Variants in CPAMD8 observed in about 807,000 individuals in gnomAD.
CPAMD8 encodes the protein C3 and PZP-like alpha-2-macroglobulin domain-containing protein 8.
Under a neutral mutation model 224.7 loss-of-function variants are expected in CPAMD8, and 146 were observed. The observed-to-expected ratio is 0.65, with a 90% CI of 0.57 to 0.75. CPAMD8 has a LOEUF of 0.75. Among genes scored for constraint, CPAMD8 ranks in the 30% least tolerant of loss-of-function variants. The pLI is 0.00. For missense variants in CPAMD8, 2,301 were observed against 2,537.5 expected (o/e 0.91, Z 2.00); for synonymous variants, 966 against 1,044.6 (o/e 0.92, Z 1.45).
At chr19:16,950,793 G>GAA (rs757775739) in intron 20 of CPAMD8, among the ~76,000 whole-genome samples, 1,763 of 45,226 alleles carry the variant, frequency 0.039, 150 homozygotes, top group African/African-American at 0.14. Context: ...ACCCTGTCTC[G>GAA]AAAAAAAAAA....
intron 10 of CPAMD8, among the ~76,000 whole-genome samples, chr19:16,997,671 C>T (rs919780315): frequency 3.3e-5 from 5 of 151,708 alleles, no homozygotes; most frequent in African/African-American, 4.8e-5. Flanking sequence ...GCCAACATGG[C>T]GAAACCCCGC....
intron 5 of CPAMD8, among the ~76,000 whole-genome samples, chr19:17,010,144 TA>T (rs2123128458): frequency 6.6e-6 from 1 of 152,212 alleles, no homozygotes; most frequent in South Asian, 2.1e-4. Context: ...AGAAACATGC[TA>T]TAAAGGTTAC....
At chr19:16,996,509 C>T (rs2056127676) in intron 11 of CPAMD8, among the ~76,000 whole-genome samples, 1 of 152,026 alleles carries the variant, frequency 6.6e-6, no homozygotes, top group African/African-American at 2.4e-5. Context: ...AACTTAGGTC[C>T]TCAGGGGATA....
intron 18 of CPAMD8, among the ~76,000 whole-genome samples, chr19:16,970,430 T>C (rs1200195826): frequency 6.7e-6 from 1 of 148,928 alleles, no homozygotes; most frequent in African/African-American, 2.5e-5. Context: ...CTACTAAAAA[T>C]ACGAAAATTA....
At chr19:17,022,320 G>T in intron 1 of CPAMD8, 139 bp from the exon 2 acceptor site, 1 of 895,226 alleles carries the variant, frequency 1.1e-6, no homozygotes, top group Non-Finnish European at 1.7e-6. Flanking sequence ...TGCTCTAGGA[G>T]TCTGTGCCCC....
intron 3 of CPAMD8, among the ~76,000 whole-genome samples, chr19:17,013,751 A>T (rs2056729478): frequency 6.6e-6 from 1 of 151,806 alleles, no homozygotes; most frequent in Non-Finnish European, 1.5e-5. Context: ...CTGTCAATGT[A>T]GTAAATGCCA....
intron 8 of CPAMD8, among the ~76,000 whole-genome samples, chr19:17,003,837 T>C (rs1203682360): frequency 2.0e-5 from 3 of 150,878 alleles, no homozygotes; most frequent in Non-Finnish European, 4.4e-5. Context: ...CCAGCCATCA[T>C]GAGCCCTCAG....
At chr19:17,026,371 G>T (rs1262424927) in intron 1 of CPAMD8, among the ~76,000 whole-genome samples, 180 bp downstream of exon 1, 1 of 152,184 alleles carries the variant, frequency 6.6e-6, no homozygotes, top group African/African-American at 2.4e-5. Context: ...TACCTCCACA[G>T]AGCCACTTCG....
chr19:16,981,544 C>A (rs1028858395), intron 13 of CPAMD8, among the ~76,000 whole-genome samples: 1 of 151,972 alleles, frequency 6.6e-6, no homozygotes, highest in Admixed American at 6.6e-5. Flanking sequence ...GAGTGTAGGG[C>A]AGGATTCAAA....
At position 16,901,263 on chromosome 19, in the gene CPAMD8, G is replaced by A; in HGVS notation, c.4720C>T (p.Leu1574=). ...LHAGSSNMAV[L]EVPLLSGFRA... is the part of the protein sequence containing the mutation. ...AAGCCTGACAGCAGGGGCACCTCCAGGACAGCCATATTGGAAGACCCTGCA... is the reference window on the plus strand; with the variant it reads ...AAGCCTGACAGCAGGGGCACCTCCAAGACAGCCATATTGGAAGACCCTGCA... The change falls in exon 36 of 42, where the codon CTG becomes TTG. Residue 1574 remains leucine, a synonymous_variant. Coordinates refer to ENST00000443236, the MANE Select transcript of CPAMD8 (RefSeq NM_015692.5). The A allele has an allele frequency of 6.2e-7, 1 of 1,612,866 alleles. No individual in the cohort carries two copies. The highest frequency in any genetic ancestry group is 8.5e-7 in the Non-Finnish European group (1 of 1,179,626).
intron 32 of CPAMD8, 50 bp downstream of exon 32, chr19:16,904,176 A>AGGGGCCCCCCCCCCC: frequency 1.1e-6 from 1 of 937,338 alleles, no homozygotes; most frequent in Non-Finnish European, 1.7e-6. Context: ...GACTGCAGGG[A>AGGGGCCCCCCCCCCC]CCCCACCCAC....
chr19:17,001,778 G>T (rs2056332135), intron 9 of CPAMD8, among the ~76,000 whole-genome samples: 1 of 151,802 alleles, frequency 6.6e-6, no homozygotes, highest in African/African-American at 2.4e-5. Flanking sequence ...CCCGGTTGTT[G>T]GGGGAGATGG....
intron 3 of CPAMD8, among the ~76,000 whole-genome samples, chr19:17,012,952 G>A (rs986653473): frequency 1.3e-5 from 2 of 151,124 alleles, no homozygotes; most frequent in African/African-American, 4.9e-5. Context: ...GGAGGCTGGG[G>A]TGGGCGGATC....
rs537424756 is a variant in CPAMD8, at chr19:16,975,569, G to T, written c.1909-311C>A. 3.3e-5 allele frequency among the ~76,000 whole-genome samples: 5 copies of T among 152,224 alleles called. No individual in the cohort carries two copies. In the East Asian group the frequency reaches 5.8e-4, roughly 18 times the overall value. On this transcript the variant is annotated intron_variant, in intron 16 of 41. Transcript: ENST00000443236. ...AAAAGATAGAAAAAATTAGCCAGGC[G>T]TGGTGGTGCATGCCTGTAGCCCCAG...
At chr19:16,895,930 C>G in intron 41 of CPAMD8, 1 of 647,658 alleles carries the variant, frequency 1.5e-6, no homozygotes, top group Non-Finnish European at 2.9e-6. Flanking sequence ...CACACACACG[C>G]GCGCGTGCGC....
At chr19:17,024,716 C>T (rs1444111250) in intron 1 of CPAMD8, among the ~76,000 whole-genome samples, 2 of 152,246 alleles carry the variant, frequency 1.3e-5, no homozygotes, top group African/African-American at 4.8e-5. Flanking sequence ...CAGCCATTCA[C>T]TGTCACACCT....
At chr19:17,018,196 T>G (rs1200337940) in intron 3 of CPAMD8, among the ~76,000 whole-genome samples, 1 of 152,116 alleles carries the variant, frequency 6.6e-6, no homozygotes, top group African/African-American at 2.4e-5. Context: ...ATTCGTAGAC[T>G]CCTTTGAGCA....
intron 32 of CPAMD8, 50 bp downstream of exon 32, chr19:16,904,176 A>AGGCCCCCCCCCCCCCCCCCCGCCCCCC: frequency 1.1e-6 from 1 of 937,340 alleles, no homozygotes; most frequent in Non-Finnish European, 1.7e-6. Flanking sequence ...GACTGCAGGG[A>AGGCCCCCCCCCCCCCCCCCCGCCCCCC]CCCCACCCAC....
At chr19:16,914,836 C>T (rs2052883803) in intron 27 of CPAMD8, 23 bp from the exon 28 acceptor site, 2 of 1,570,662 alleles carry the variant, frequency 1.3e-6, no homozygotes, top group Non-Finnish European at 1.7e-6. Flanking sequence ...AGGGTGTCAG[C>T]TGAGGGGTTG....
Sources: gnomAD v4.1 joint callset for allele counts (sites outside exome capture counted in the v4.1 genomes callset) on GRCh38, gnomAD v4.1.1 for gene constraint, MANE v1.5 for transcripts, NCBI Gene and HGNC (gene_info 2026-07-23, HGNC 2026-07-21) for gene names.